SHOX2: variants seen among roughly 807,000 people sequenced by gnomAD.
The protein encoded by SHOX2 is SHOX homeobox 2, also known as short stature homeobox protein 2.
Under a neutral mutation model 31.3 loss-of-function variants are expected in SHOX2, and 13 were observed. The ratio of observed to expected loss-of-function variants is 0.42; its 90% CI spans 0.27 to 0.66. SHOX2 has a LOEUF of 0.66. Among genes scored for constraint, SHOX2 ranks in the 30% least tolerant of loss-of-function variants. The pLI, the probability that SHOX2 is intolerant of heterozygous loss-of-function variation, is 0.27. For synonymous variants in SHOX2, 244 were observed against 196.2 expected (o/e 1.24, Z -2.04); for missense variants, 473 against 443.0 (o/e 1.07, Z -0.61).
chr3:158,102,772 T>C lies in SHOX2; in HGVS notation c.461A>G (p.Glu154Gly), dbSNP rs1482446601. Residue 154 changes from glutamate (E) to glycine (G), a missense_variant, in exon 2 of 5, where the codon GAG becomes GGG. Transcript: ENST00000483851. ...RTNFTLEQLN[E>G]LERLFDETHY... ...GGTCTCGTCAAAAAGCCTCTCCAGCTCATTGAGTTGTTCCAGGGTGAAATT... is the reference window on the plus strand; with the variant it reads ...GGTCTCGTCAAAAAGCCTCTCCAGCCCATTGAGTTGTTCCAGGGTGAAATT... 6.2e-7 allele frequency: 1 copy of C among 1,613,986 alleles called. No homozygotes were observed. The highest frequency in any genetic ancestry group is 8.5e-7 in the Non-Finnish European group (1 of 1,180,014).
rs58944500 is a variant in SHOX2 at position 158,096,410 on chromosome 3, G to GAA, written c.*1615_*1616dup. The GAA allele has an allele frequency of 2.0e-3, 225 of 114,900 alleles. 1 individual carries two copies. Among genetic ancestry groups the GAA allele is most frequent in the South Asian group, 0.012 (42 of 3,582 alleles). The allele number at this position is 114,900 out of a possible 1,614,324, so 7.1% of individuals were successfully genotyped here. A position where few individuals can be genotyped will look rare whatever the true frequency, so the allele number is the denominator to read the frequency against. ...CATGAATTGAAACAAACAACCAAAAGAAAAAAAAAAACAAAAAAGAAACAA... is the reference window on the plus strand; with the variant it reads ...CATGAATTGAAACAAACAACCAAAAGAAAAAAAAAAAAACAAAAAAGAAACAA... On this transcript the variant is annotated 3_prime_UTR_variant, in exon 5 of 5. Transcript: ENST00000483851.
intron 1 of SHOX2, chr3:158,105,252 C>T (rs1218209637): frequency 1.0e-5 from 7 of 667,630 alleles, no homozygotes; most frequent in Admixed American, 2.5e-5. Flanking sequence ...TCCACCTCTG[C>T]CCCTTCTCCC....
intron 4 of SHOX2, among the ~76,000 whole-genome samples, chr3:158,099,124 A>G (rs1202456769): frequency 6.6e-6 from 1 of 152,182 alleles, no homozygotes; most frequent in Non-Finnish European, 1.5e-5. Flanking sequence ...TCATGACATC[A>G]CAGGCATGCC....
intron 2 of SHOX2, among the ~76,000 whole-genome samples, chr3:158,100,753 A>G (rs1025585174): frequency 2.1e-4 from 32 of 152,350 alleles, no homozygotes; most frequent in African/African-American, 7.0e-4. Flanking sequence ...AAGGAGTTGT[A>G]AGGGTTGGGG....
At position 158,097,507 on chromosome 3, in the gene SHOX2, T is replaced by C. The variant is rs1421671152; in HGVS notation, c.*520A>G. 1.3e-5 allele frequency: 2 copies of C among 152,586 alleles called. No homozygotes were observed. The highest frequency in any genetic ancestry group is 4.8e-5 in the African/African-American group (2 of 41,478). The allele number at this position is 152,586 out of a possible 1,614,324, so 9.5% of individuals were successfully genotyped here. On this transcript the variant is annotated 3_prime_UTR_variant, in exon 5 of 5. Coordinates refer to ENST00000483851, the MANE Select transcript of SHOX2 (RefSeq NM_001163678.2). ...TTGTTTTTCCATATTTTTAAATGTA[T>C]AAAATACTTTAATTTTAAAATTTGT...
intron 1 of SHOX2, chr3:158,105,265 C>G (rs1194831575): frequency 3.1e-6 from 2 of 649,156 alleles, no homozygotes; most frequent in Non-Finnish European, 5.5e-6. Flanking sequence ...CTTCTCCCTC[C>G]CGGCAAACTC....
At chr3:158,102,626 A>T (rs146997941) in intron 2 of SHOX2, 52 bp downstream of exon 2, 3 of 1,507,414 alleles carry the variant, frequency 2.0e-6, no homozygotes, top group Non-Finnish European at 2.8e-6. Context: ...CCTCTTTCCA[A>T]CCCCAGGCTC....
intron 1 of SHOX2, chr3:158,105,064 A>G: frequency 1.0e-6 from 1 of 1,000,810 alleles, no homozygotes; most frequent in Non-Finnish European, 1.4e-6. Context: ...ACACCAAGAA[A>G]CCGAAACGCC....
Position 158,105,692 on chromosome 3 carries a change from C to T in SHOX2, c.333G>A (p.Pro111=). 1 of 1,522,974 alleles carries T rather than the reference C, an allele frequency of 6.6e-7. No homozygotes were observed. The highest frequency in any genetic ancestry group is 8.8e-7 in the Non-Finnish European group (1 of 1,137,108). The allele number at this position is 1,522,974 out of a possible 1,614,324, so 94.3% of individuals were successfully genotyped here. A position where few individuals can be genotyped will look rare whatever the true frequency, so the allele number is the denominator to read the frequency against. Residue 111 remains proline, a synonymous_variant, in exon 1 of 5, where the codon CCG becomes CCA. Coordinates refer to ENST00000483851, the MANE Select transcript of SHOX2 (RefSeq NM_001163678.2). ...AAERSREPGS[P]RLTEVSPELK... ...TCAGGTCGTTACCCTCCGTCAGTCG[C>T]GGGCTGCCCGGCTCCCTGCTTCTCT...
At chr3:158,104,573 C>T (rs1713732618) in intron 1 of SHOX2, among the ~76,000 whole-genome samples, 1 of 152,222 alleles carries the variant, frequency 6.6e-6, no homozygotes, top group Non-Finnish European at 1.5e-5. Context: ...CCTTCAAATT[C>T]TGCCAATGAG....
intron 4 of SHOX2, among the ~76,000 whole-genome samples, chr3:158,098,890 T>G (rs1295118266): frequency 1.3e-5 from 2 of 152,204 alleles, no homozygotes; most frequent in African/African-American, 4.8e-5. Flanking sequence ...CCAGACGGTG[T>G]TGTTGCTGCT....
At position 158,105,777 on chromosome 3, in the gene SHOX2, G is replaced by C. The variant is rs1487988503; in HGVS notation, c.248C>G (p.Ala83Gly). Residue 83 changes from alanine to glycine, a missense_variant, in exon 1 of 5, where the codon GCA (alanine) becomes GGA (glycine). Ala to Gly is a moderately conservative substitution (Grantham distance 60). Transcript: ENST00000483851. ...GCGCCCTCCTCCAGCTCCTCCGCCT[G>C]CTCCTCCTCCTCCTACACCTCCTCC... ...GGGGGVGGGG[A>G]GGGAGGGRSP... 2.6e-6 allele frequency: 4 copies of C among 1,512,904 alleles called. No homozygotes were observed. The highest frequency in any genetic ancestry group is 3.5e-6 in the Non-Finnish European group (4 of 1,131,930). 93.7% of individuals were successfully genotyped at this position (1,512,904 alleles called of 1,614,324 possible).
chr3:158,096,311 C>G lies in SHOX2; in HGVS notation c.*1716G>C, dbSNP rs1022605997. 9 of 151,832 alleles carry G rather than the reference C, an allele frequency of 5.9e-5. No individual in the cohort carries two copies. The highest frequency in any genetic ancestry group is 2.2e-4 in the African/African-American group (9 of 41,304). 9.4% of individuals were successfully genotyped at this position (151,832 alleles called of 1,614,324 possible). On this transcript the variant is annotated 3_prime_UTR_variant, in exon 5 of 5. Transcript: ENST00000483851. Reference sequence around the variant, plus strand: ...GGTAAAACAAAAACAAAAACAAAACCCCACAAACTTAGGCTTGCTAGCGAA... The same window carrying G: ...GGTAAAACAAAAACAAAAACAAAACGCCACAAACTTAGGCTTGCTAGCGAA...
At position 158,105,820 on chromosome 3, in the gene SHOX2, C is replaced by A; in HGVS notation, c.205G>T (p.Gly69Cys). ...CCTCCTCCGCCTCCTCCGCCGCCGC[C>A]TCCGCCTCCTCCGCCGCCGCCTCCG... ...AGGGGGGGGGGGGGGGGGGVG... is the reference protein window; with the variant it reads ...AGGGGGGGGGCGGGGGGGGVG... Residue 69 changes from glycine to cysteine, a missense_variant, in exon 1 of 5, where the codon GGC becomes TGC. Physicochemically the swap from Gly to Cys is radical, Grantham distance 159. Transcript: ENST00000483851. 1 of 1,465,348 alleles carries A rather than the reference C, an allele frequency of 6.8e-7. No homozygotes were observed. Among genetic ancestry groups the A allele is most frequent in the Non-Finnish European group, 9.0e-7 (1 of 1,112,174 alleles). 90.8% of individuals were successfully genotyped at this position (1,465,348 alleles called of 1,614,324 possible).
In SHOX2 at chr3:158,106,075, C is replaced by A. The variant is rs750126385; in HGVS notation, c.-51G>T. ...CAACCTCTGCCAGCAGAGCCCCGCT[C>A]TTTTTTTCCTTCTTCTTTTTTTACT... is the stretch of plus-strand genomic sequence containing the variant. On this transcript the variant is annotated 5_prime_UTR_variant, in exon 1 of 5. Transcript: ENST00000483851. 6.2e-7 allele frequency: 1 copy of A among 1,605,206 alleles called. No homozygotes were observed.
chr3:158,103,237 A>ACTTGCTCCG (rs1327882305), intron 1 of SHOX2: 39 of 366,114 alleles, frequency 1.1e-4, no homozygotes, highest in Non-Finnish European at 1.8e-4. Context: ...TTTCGCACTC[A>ACTTGCTCCG]CTTGCTCCGC....
chr3:158,100,384 C>T, intron 2 of SHOX2, 73 bp from the exon 3 acceptor site: 1 of 1,157,604 alleles, frequency 8.6e-7, no homozygotes, highest in South Asian at 1.5e-5. Context: ...TACAAAAGTA[C>T]AAAGAGAAAA....
chr3:158,102,898 ACCCCAGCGGGG>A lies in SHOX2; in HGVS notation c.347-23_347-13del, dbSNP rs1559897195. On this transcript the variant is annotated splice_polypyrimidine_tract_variant and intron_variant, in intron 1 of 4. Coordinates refer to ENST00000483851, the MANE Select transcript of SHOX2 (RefSeq NM_001163678.2). The stretch of plus-strand genomic sequence containing the variant: ...CAGCTCCGGGGACACTGGAGGGGGC[ACCCCAGCGGGG>A]CCACACGTGCATCCACACGAACACA... 6.2e-7 allele frequency: 1 copy of A among 1,612,806 alleles called. No individual in the cohort carries two copies. The highest frequency in any genetic ancestry group is 1.1e-5 in the South Asian group (1 of 91,038).
At chr3:158,103,028 G>T (rs571650122) in intron 1 of SHOX2, 142 bp from the exon 2 acceptor site, 3 of 819,740 alleles carry the variant, frequency 3.7e-6, no homozygotes, top group South Asian at 3.2e-5. Flanking sequence ...TCCCCCTCGT[G>T]GAATCCTGGT....
Sources: allele counts gnomAD v4.1 joint callset (sites outside exome capture counted in the v4.1 genomes callset), GRCh38; gene constraint gnomAD v4.1.1; transcripts MANE v1.5; gene names NCBI Gene and HGNC (gene_info 2026-07-23, HGNC 2026-07-21).